The following NUP210L variants were observed in gnomAD, a reference collection of about 807,000 sequenced individuals.
The protein encoded by NUP210L is nuclear pore membrane glycoprotein 210-like.
Under a neutral mutation model 208.5 loss-of-function variants are expected in NUP210L, and 74 were observed. That is an observed-to-expected ratio of 0.35 (90% CI 0.29 to 0.43). NUP210L has a LOEUF of 0.43. NUP210L is among the 20% of genes least tolerant of loss of function. The probability of loss-of-function intolerance (pLI) is 1.00; values close to 1 mark genes in which losing one functional copy is unlikely to be tolerated. For synonymous variants in NUP210L, 780 were observed against 816.9 expected (o/e 0.95, Z 0.77); for missense variants, 1,843 against 2,289.4 (o/e 0.81, Z 3.98).
chr1:154,020,457 C>G (rs779846054), intron 32 of NUP210L, among the ~76,000 whole-genome samples: 36 of 152,016 alleles, frequency 2.4e-4, no homozygotes, highest in Non-Finnish European at 4.4e-4. Context: ...CTCATGCAAT[C>G]TTCCCACCTC....
At chr1:154,046,990 G>T (rs548390221) in intron 25 of NUP210L, among the ~76,000 whole-genome samples, 1 of 152,220 alleles carries the variant, frequency 6.6e-6, no homozygotes, top group East Asian at 1.9e-4. Context: ...TCCGGGAGGC[G>T]GAGGTTGCAG....
At chr1:154,132,896 A>G (rs1012778298) in intron 7 of NUP210L, among the ~76,000 whole-genome samples, 3 of 152,214 alleles carry the variant, frequency 2.0e-5, no homozygotes, top group Non-Finnish European at 4.4e-5. Flanking sequence ...GAAATACTGT[A>G]CCTTTCAAGT....
chr1:154,129,358 T>C lies in NUP210L; in HGVS notation c.1010-13A>G. 1 of 1,588,644 alleles carries C rather than the reference T, an allele frequency of 6.3e-7. No homozygotes were observed. Among genetic ancestry groups the C allele is most frequent in the African/African-American group, 1.3e-5 (1 of 74,510 alleles). ...CGCATATGAACATCTTAATTTTTGC[T>C]TAAGGAAATCATGTGAGCCAGAGTT... is the stretch of plus-strand genomic sequence containing the variant. On this transcript the variant is annotated splice_polypyrimidine_tract_variant and intron_variant, in intron 7 of 39. Transcript: ENST00000368559.
intron 11 of NUP210L, among the ~76,000 whole-genome samples, chr1:154,118,302 T>C (rs1432327040): frequency 6.6e-6 from 1 of 150,670 alleles, no homozygotes; most frequent in Non-Finnish European, 1.5e-5. Context: ...AGAGCAAAAC[T>C]CTGTCTCAGA....
At chr1:154,064,630 C>T (rs1189510650) in intron 17 of NUP210L, among the ~76,000 whole-genome samples, 2 of 152,130 alleles carry the variant, frequency 1.3e-5, no homozygotes, top group African/African-American at 4.8e-5. Flanking sequence ...CTATAGTCTG[C>T]CTTAGACTAT....
At chr1:154,073,066 A>G (rs1199786080) in intron 16 of NUP210L, among the ~76,000 whole-genome samples, 1 of 152,196 alleles carries the variant, frequency 6.6e-6, no homozygotes, top group Non-Finnish European at 1.5e-5. Context: ...AACTCCAACA[A>G]ATTAGCAAGG....
chr1:154,006,967 T>TATATATATA (rs57242105), intron 35 of NUP210L, among the ~76,000 whole-genome samples: 6,574 of 93,730 alleles, frequency 0.07, 217 homozygotes, highest in Admixed American at 0.11. Flanking sequence ...TATATATATA[T>TATATATATA]TTTTTTTTTT....
At chr1:154,104,316 G>T in intron 12 of NUP210L, 106 bp from the exon 13 acceptor site, 1 of 808,594 alleles carries the variant, frequency 1.2e-6, no homozygotes, top group Non-Finnish European at 2.1e-6. Context: ...TGTCCTCCCT[G>T]CAGGAACACC....
At chr1:154,149,998 T>C (rs1334789723) in intron 2 of NUP210L, among the ~76,000 whole-genome samples, 1 of 151,944 alleles carries the variant, frequency 6.6e-6, no homozygotes, top group African/African-American at 2.4e-5. Flanking sequence ...GAGGCCAAGG[T>C]TGGTGGACTG....
chr1:154,055,725 T>C lies in NUP210L; in HGVS notation c.3241-893A>G, dbSNP rs1557944915. ...ATGATCTTATTCTAAGGAAAACTCT[T>C]AATTATCTACCAAAAAGTTACACAC... On this transcript the variant is annotated intron_variant, in intron 23 of 39. Coordinates refer to ENST00000368559, the Ensembl canonical transcript of NUP210L. 2.6e-5 allele frequency among the ~76,000 whole-genome samples: 4 copies of C among 152,190 alleles called. No homozygotes were observed. The South Asian group carries it at 8.3e-4, about 32-fold the overall frequency.
At chr1:154,011,878 G>A (rs550744258) in intron 34 of NUP210L, among the ~76,000 whole-genome samples, 121 of 151,570 alleles carry the variant, frequency 8.0e-4, no homozygotes, top group African/African-American at 2.7e-3. Flanking sequence ...GTAGAGATGG[G>A]GTTTCACCAT....
intron 38 of NUP210L, among the ~76,000 whole-genome samples, chr1:153,994,201 CCTAA>C (rs774224199): frequency 1.1e-4 from 16 of 151,946 alleles, no homozygotes; most frequent in South Asian, 2.1e-4. Flanking sequence ...TTGAATTATC[CCTAA>C]CTATGAATTT....
intron 2 of NUP210L, among the ~76,000 whole-genome samples, chr1:154,147,883 C>T (rs1659196906): frequency 6.7e-6 from 1 of 148,288 alleles, no homozygotes; most frequent in Non-Finnish European, 1.5e-5. Context: ...TCTCAAACTC[C>T]TGACCTCGTA....
intron 23 of NUP210L, 25 bp downstream of exon 23, chr1:154,056,790 A>C: frequency 6.5e-7 from 1 of 1,545,478 alleles, no homozygotes; most frequent in Non-Finnish European, 8.7e-7. Context: ...AAAAGTACAA[A>C]TTTTGGATGA....
At chr1:154,070,337 G>A (rs759905528) in exon 17 of NUP210L, 20 of 1,613,122 alleles carry the variant, frequency 1.2e-5, no homozygotes, top group African/African-American at 2.7e-5. Context: ...TATAATCTTC[G>A]AAATGGGCTA....
chr1:154,095,179 A>C lies in NUP210L; in HGVS notation c.1966-23T>G, dbSNP rs368926918. ...AGCCTGATGATATTTAAAGAAATTA[A>C]TTCCTGATAGGTTAGGGAATTCAAT... is the stretch of plus-strand genomic sequence containing the variant. On this transcript the variant is annotated intron_variant, in intron 14 of 39. Transcript: ENST00000368559. The C allele has an allele frequency of 2.6e-6, 4 of 1,546,064 alleles. No individual in the cohort carries two copies. The African/African-American group carries it at 5.4e-5, about 21-fold the overall frequency.
At chr1:154,055,176 T>TTTCTTTC (rs1553228985) in intron 23 of NUP210L, among the ~76,000 whole-genome samples, 6,757 of 120,094 alleles carry the variant, frequency 0.056, 277 homozygotes, top group Middle Eastern at 0.1. Context: ...TCTTTCTTTC[T>TTTCTTTC]TTCTTTCTTT....
At chr1:154,125,745 GGGAA>G (rs1363995548) in intron 10 of NUP210L, among the ~76,000 whole-genome samples, 4 of 27,318 alleles carry the variant, frequency 1.5e-4, no homozygotes, top group Non-Finnish European at 2.5e-4. Context: ...AAGGGAGGGA[GGGAA>G]ATGTTTTTTT....
chr1:154,047,446 C>T (rs80271185), intron 25 of NUP210L, among the ~76,000 whole-genome samples: 86,832 of 151,796 alleles, frequency 0.57, 25,730 homozygotes, highest in East Asian at 0.95. Context: ...GTGACATGTT[C>T]GTTATGGCCA....
Sources: gnomAD v4.1 joint callset for allele counts (sites outside exome capture counted in the v4.1 genomes callset) on GRCh38, gnomAD v4.1.1 for gene constraint, MANE v1.5 for transcripts, NCBI Gene and HGNC (gene_info 2026-07-23, HGNC 2026-07-21) for gene names.